CHODL: variants seen among roughly 807,000 people sequenced by gnomAD.
CHODL encodes chondrolectin.
CHODL carries 29 observed loss-of-function variants against 34.5 expected under a neutral mutation model. That is an observed-to-expected ratio of 0.84 (90% CI 0.63 to 1.15). CHODL has a LOEUF of 1.15. CHODL is among the 50% of genes most tolerant of loss of function. CHODL has a pLI of 0.00. For missense variants in CHODL, 332 were observed against 332.5 expected, an observed-to-expected ratio of 1.00 and a Z score of 0.01; for synonymous variants, 125 against 116.1, an observed-to-expected ratio of 1.08 and a Z score of -0.49.
At chr21:18,035,327 CTG>C (rs2064296713) in intron 2 of CHODL, among the ~76,000 whole-genome samples, 1 of 151,896 alleles carries the variant, frequency 6.6e-6, no homozygotes, top group Non-Finnish European at 1.5e-5. Flanking sequence ...GATAAGAAAA[CTG>C]TTTTCATTCT....
intron 2 of CHODL, among the ~76,000 whole-genome samples, chr21:18,128,672 TGGAGCAA>T (rs1014444764): frequency 5.9e-5 from 9 of 152,192 alleles, no homozygotes; most frequent in South Asian, 2.1e-4. Context: ...GAATACATTC[TGGAGCAA>T]GGAGCAAGGA....
chr21:18,001,481 C>G (rs541409919), intron 1 of CHODL, among the ~76,000 whole-genome samples: 21 of 152,304 alleles, frequency 1.4e-4, no homozygotes, highest in African/African-American at 5.1e-4. Flanking sequence ...TAATGGCATG[C>G]CTCATTTGCC....
At chr21:18,052,401 T>G (rs915215876) in intron 2 of CHODL, among the ~76,000 whole-genome samples, 3 of 151,968 alleles carry the variant, frequency 2.0e-5, no homozygotes, top group African/African-American at 7.2e-5. Flanking sequence ...AACCCAGAGA[T>G]TCTGACTTCT....
At chr21:18,125,550 T>C (rs926362271) in intron 2 of CHODL, among the ~76,000 whole-genome samples, 1 of 152,074 alleles carries the variant, frequency 6.6e-6, no homozygotes, top group Non-Finnish European at 1.5e-5. Context: ...GAAAATTGAT[T>C]ACATTATTTT....
chr21:18,075,550 T>C (rs1263679406), intron 2 of CHODL, among the ~76,000 whole-genome samples: 3 of 152,178 alleles, frequency 2.0e-5, no homozygotes, highest in East Asian at 3.8e-4. Context: ...AGTTTCATTA[T>C]ATTTAAAATT....
intron 2 of CHODL, among the ~76,000 whole-genome samples, chr21:18,128,983 C>T (rs914618614): frequency 2.0e-5 from 3 of 151,698 alleles, no homozygotes; most frequent in Non-Finnish European, 1.5e-5. Context: ...AGTTTTATGC[C>T]GTTTACTTTT....
intron 5 of CHODL, 98 bp from the exon 6 acceptor site, chr21:18,265,854 CTT>C: frequency 1.1e-6 from 1 of 899,298 alleles, no homozygotes; most frequent in Non-Finnish European, 1.7e-6. Flanking sequence ...GAGGGGGAGT[CTT>C]TCATAAATAA....
chr21:17,923,292 C>T (rs1459393358), intron 1 of CHODL, among the ~76,000 whole-genome samples: 1 of 150,994 alleles, frequency 6.6e-6, no homozygotes, highest in Non-Finnish European at 1.5e-5. Flanking sequence ...TTTTTCCTGC[C>T]AAAGTCTGCA....
In CHODL at chr21:17,951,138, G is replaced by A. The variant is rs2063454329; in HGVS notation, c.-145+33738G>A. On this transcript the variant is annotated intron_variant, in intron 1 of 6. Transcript: ENST00000400127. ...TGTGTGTGTGTGTGTGTGTGTGTGT[G>A]TACAAATCAATGGTTAAGTTGTTTA... Among the ~76,000 whole-genome samples the A allele has an allele frequency of 2.0e-5, 3 of 146,466 alleles. No homozygotes were observed. In the South Asian group the frequency reaches 6.5e-4, roughly 32 times the overall value.
intron 2 of CHODL, among the ~76,000 whole-genome samples, chr21:18,212,795 T>A (rs1422816078): frequency 6.6e-6 from 1 of 152,140 alleles, no homozygotes; most frequent in Non-Finnish European, 1.5e-5. Context: ...AATTGTGTGT[T>A]GATATTCTTC....
At chr21:18,000,762 G>T (rs1412796887) in intron 1 of CHODL, among the ~76,000 whole-genome samples, 1 of 152,086 alleles carries the variant, frequency 6.6e-6, no homozygotes, top group Non-Finnish European at 1.5e-5. Context: ...TATTAAAGGG[G>T]TCTCATATGG....
At chr21:18,153,558 A>G (rs188310830) in intron 2 of CHODL, among the ~76,000 whole-genome samples, 539 of 152,020 alleles carry the variant, frequency 3.5e-3, no homozygotes, top group Admixed American at 9.7e-3. Flanking sequence ...TTAAGGACTT[A>G]CATGATTATA....
chr21:18,013,652 T>TTTTTTTG (rs71189577), intron 1 of CHODL, among the ~76,000 whole-genome samples: 1 of 141,426 alleles, frequency 7.1e-6, no homozygotes. Context: ...TTTTTTTTTT[T>TTTTTTTG]GAGACAGAGT....
intron 2 of CHODL, among the ~76,000 whole-genome samples, chr21:18,157,128 G>A (rs2146636875): frequency 6.6e-6 from 1 of 152,294 alleles, no homozygotes; most frequent in East Asian, 1.9e-4. Flanking sequence ...TCACACACCT[G>A]CTTACATGCA....
chr21:18,027,670 T>A (rs955498781), intron 1 of CHODL, among the ~76,000 whole-genome samples: 1 of 152,174 alleles, frequency 6.6e-6, no homozygotes, highest in Non-Finnish European at 1.5e-5. Flanking sequence ...CCAGAGTGAT[T>A]TCAGTTTGCT....
In CHODL at chr21:18,245,152, G is replaced by T; in HGVS notation, c.-72G>T. 1 of 1,288,266 alleles carries T rather than the reference G, an allele frequency of 7.8e-7. No individual in the cohort carries two copies. Among genetic ancestry groups the T allele is most frequent in the South Asian group, 1.4e-5 (1 of 69,558 alleles). The allele number at this position is 1,288,266 out of a possible 1,614,324, so 79.8% of individuals were successfully genotyped here. Reference sequence around the variant, plus strand: ...GGGAGGCAGGGAGGCTGCAGAGTCAGAGTCGCGGGCTGCGCCCTGGGCAGA... The same window carrying T: ...GGGAGGCAGGGAGGCTGCAGAGTCATAGTCGCGGGCTGCGCCCTGGGCAGA... On this transcript the variant is annotated 5_prime_UTR_variant, in exon 1 of 6. Transcript: ENST00000299295.
At chr21:18,010,756 G>A (rs2146412645) in intron 1 of CHODL, among the ~76,000 whole-genome samples, 1 of 152,318 alleles carries the variant, frequency 6.6e-6, no homozygotes, top group African/African-American at 2.4e-5. Context: ...GAGTTTTTAG[G>A]AAAGTCTGAA....
intron 1 of CHODL, among the ~76,000 whole-genome samples, chr21:17,974,709 T>C (rs1382244744): frequency 2.0e-5 from 3 of 152,034 alleles, no homozygotes; most frequent in Non-Finnish European, 4.4e-5. Context: ...GGTTATTTTA[T>C]ATTGTATAGT....
intron 2 of CHODL, among the ~76,000 whole-genome samples, chr21:18,187,863 C>G (rs1001413422): frequency 6.6e-6 from 1 of 152,124 alleles, no homozygotes; most frequent in African/African-American, 2.4e-5. Context: ...AAAGATGCCT[C>G]CTTGACTTGA....
Sources: gnomAD v4.1 joint callset for allele counts (sites outside exome capture counted in the v4.1 genomes callset) on GRCh38, gnomAD v4.1.1 for gene constraint, MANE v1.5 for transcripts, NCBI Gene and HGNC (gene_info 2026-07-23, HGNC 2026-07-21) for gene names.